Variants in MRTFA observed in about 807,000 individuals in gnomAD.
The protein encoded by MRTFA is myocardin related transcription factor A, also known as myocardin-related transcription factor A.
MRTFA carries 20 observed loss-of-function variants against 83.5 expected under a neutral mutation model. The observed-to-expected ratio is 0.24, with a 90% confidence interval of 0.17 to 0.35. The LOEUF is 0.35. MRTFA is among the 10% of genes least tolerant of loss of function. MRTFA has a pLI of 1.00. For missense variants in MRTFA, 1,200 were observed against 1,224.7 expected (o/e 0.98, Z 0.30); for synonymous variants, 659 against 541.2 (o/e 1.22, Z -3.02).
chr22:40,493,829 G>T (rs2054308449), intron 3 of MRTFA, among the ~76,000 whole-genome samples: 1 of 152,176 alleles, frequency 6.6e-6, no homozygotes, highest in Admixed American at 6.6e-5. Context: ...TAAGAGAAGT[G>T]AAAACATACA....
At chr22:40,632,768 A>T (rs2056655384) in intron 1 of MRTFA, among the ~76,000 whole-genome samples, 1 of 152,148 alleles carries the variant, frequency 6.6e-6, no homozygotes, top group Non-Finnish European at 1.5e-5. Flanking sequence ...CCTGAGTTTG[A>T]ATCACTCAGC....
At chr22:40,622,781 A>G (rs1294583428) in intron 1 of MRTFA, among the ~76,000 whole-genome samples, 2 of 151,766 alleles carry the variant, frequency 1.3e-5, no homozygotes, top group African/African-American at 2.4e-5. Context: ...CTCCAGAACT[A>G]TAAGAGAATG....
intron 3 of MRTFA, among the ~76,000 whole-genome samples, chr22:40,473,717 G>A (rs1337059635): frequency 6.6e-6 from 1 of 152,194 alleles, no homozygotes; most frequent in African/African-American, 2.4e-5. Context: ...GTGAAGCTCA[G>A]CATGCAGATA....
intron 3 of MRTFA, among the ~76,000 whole-genome samples, chr22:40,502,993 C>A (rs2054521730): frequency 6.6e-6 from 1 of 152,186 alleles, no homozygotes; most frequent in Admixed American, 6.5e-5. Flanking sequence ...TCCCCCTTCC[C>A]CAATACACCC....
intron 3 of MRTFA, among the ~76,000 whole-genome samples, chr22:40,471,376 C>T (rs1051873875): frequency 1.1e-4 from 16 of 151,896 alleles, no homozygotes; most frequent in African/African-American, 3.6e-4. Context: ...GCACTCCAGC[C>T]TGAGCAACAG....
intron 3 of MRTFA, among the ~76,000 whole-genome samples, chr22:40,465,375 C>T (rs934420257): frequency 1.5e-4 from 23 of 152,092 alleles, no homozygotes; most frequent in Non-Finnish European, 2.5e-4. Context: ...GAAACTGAAC[C>T]AAGAGGCTAT....
chr22:40,573,561 T>C (rs963226299), intron 2 of MRTFA, among the ~76,000 whole-genome samples: 22 of 152,162 alleles, frequency 1.4e-4, no homozygotes, highest in African/African-American at 5.3e-4. Context: ...GGCTGAATTA[T>C]GTACTTCTGA....
rs773029783 is a variant in MRTFA, at chr22:40,420,971, G to A, written c.1057C>T (p.Pro353Ser). 12 of 1,612,558 alleles carry A rather than the reference G, an allele frequency of 7.4e-6. No individual in the cohort carries two copies. Among genetic ancestry groups the A allele is most frequent in the African/African-American group, 1.3e-5 (1 of 74,920 alleles). Residue 353 changes from proline (P) to serine (S), a missense_variant, in exon 10 of 15, where the codon CCC becomes TCC. By Grantham distance (74) the Pro-to-Ser change is moderately conservative. Coordinates refer to ENST00000355630, the MANE Select transcript of MRTFA (RefSeq NM_020831.6). ...TTGGCGTAGGATGAGTCCATGGGGG[G>A]TGCCCCCCTGTCCTGCTTCTGGTCC...
chr22:40,575,545 C>G (rs2055855348), intron 2 of MRTFA, among the ~76,000 whole-genome samples: 1 of 152,168 alleles, frequency 6.6e-6, no homozygotes, highest in Non-Finnish European at 1.5e-5. Flanking sequence ...TTAAAAGACA[C>G]ACTGTTCCAC....
intron 3 of MRTFA, among the ~76,000 whole-genome samples, chr22:40,528,717 A>G (rs1332168953): frequency 2.0e-5 from 3 of 149,902 alleles, no homozygotes; most frequent in Non-Finnish European, 4.4e-5. Flanking sequence ...AGACTGGGCA[A>G]TAAGAGTGAA....
intron 3 of MRTFA, among the ~76,000 whole-genome samples, chr22:40,487,956 G>T (rs1489961974): frequency 6.6e-6 from 1 of 151,950 alleles, no homozygotes; most frequent in Non-Finnish European, 1.5e-5. Context: ...GCTAGACACC[G>T]TGGAGAAAAA....
chr22:40,445,333 A>T (rs2053356173), intron 4 of MRTFA, among the ~76,000 whole-genome samples: 1 of 152,238 alleles, frequency 6.6e-6, no homozygotes, highest in African/African-American at 2.4e-5. Context: ...TGCAGATATC[A>T]GTTATGACAT....
chr22:40,445,025 C>G (rs895723491), intron 4 of MRTFA, among the ~76,000 whole-genome samples: 1 of 152,164 alleles, frequency 6.6e-6, no homozygotes, highest in African/African-American at 2.4e-5. Context: ...CGTGATCACA[C>G]CACTACACTC....
intron 3 of MRTFA, among the ~76,000 whole-genome samples, chr22:40,471,946 C>T (rs75488684): frequency 0.02 from 3,019 of 152,178 alleles, 91 homozygotes; most frequent in African/African-American, 0.068. Flanking sequence ...AAAACACTTC[C>T]CCAACTCATT....
At chr22:40,462,069 T>G (rs994765086) in intron 4 of MRTFA, among the ~76,000 whole-genome samples, 1 of 152,226 alleles carries the variant, frequency 6.6e-6, no homozygotes, top group African/African-American at 2.4e-5. Context: ...GCTCAAATCT[T>G]TCCTCTTCAG....
At position 40,583,544 on chromosome 22, in the gene MRTFA, C is replaced by A. The variant is rs1355376825; in HGVS notation, c.-22+11130G>T. 5.9e-5 allele frequency among the ~76,000 whole-genome samples: 9 copies of A among 152,206 alleles called. No individual in the cohort carries two copies. The South Asian group carries it at 1.4e-3, about 25-fold the overall frequency. ...GACTCTCTAGGTCAGGGGTTCCCAA[C>A]CCCCAGTCCATGGCCTGTTAGGAAC... On this transcript the variant is annotated intron_variant, in intron 2 of 14. Coordinates refer to ENST00000355630, the MANE Select transcript of MRTFA (RefSeq NM_020831.6).
chr22:40,519,321 T>C, intron 3 of MRTFA: 1 of 840,878 alleles, frequency 1.2e-6, no homozygotes, highest in Non-Finnish European at 1.8e-6. Flanking sequence ...CCTATAGAGA[T>C]GGTCCTTCTC....
At chr22:40,491,903 A>G (rs1477726169) in intron 3 of MRTFA, among the ~76,000 whole-genome samples, 2 of 152,244 alleles carry the variant, frequency 1.3e-5, no homozygotes, top group African/African-American at 4.8e-5. Context: ...ATGGCTACAG[A>G]GAAATAGGAC....
intron 3 of MRTFA, among the ~76,000 whole-genome samples, chr22:40,488,282 T>C (rs1449022288): frequency 6.6e-6 from 1 of 152,164 alleles, no homozygotes; most frequent in East Asian, 1.9e-4. Flanking sequence ...CTCCCCAGTT[T>C]AGCTGGAGCA....
Sources: allele counts gnomAD v4.1 joint callset (sites outside exome capture counted in the v4.1 genomes callset), GRCh38; gene constraint gnomAD v4.1.1; transcripts MANE v1.5; gene names NCBI Gene and HGNC (gene_info 2026-07-23, HGNC 2026-07-21).